Variants in AKR1D1 observed in about 807,000 individuals in gnomAD.
AKR1D1 encodes the protein aldo-keto reductase family 1 member D1.
A neutral mutation model predicts 42.6 loss-of-function variants in AKR1D1; 32 were observed. The ratio of observed to expected loss-of-function variants is 0.75; its 90% CI spans 0.57 to 1.01. AKR1D1 has a LOEUF of 1.01. AKR1D1 is among the 50% of genes least tolerant of loss of function. AKR1D1 has a pLI of 0.00. For synonymous variants in AKR1D1, 123 were observed against 135.5 expected, an observed-to-expected ratio of 0.91 and a Z score of 0.64; for missense variants, 364 against 402.2, an observed-to-expected ratio of 0.91 and a Z score of 0.81.
intron 3 of AKR1D1, among the ~76,000 whole-genome samples, chr7:138,095,130 A>T (rs1263298652): frequency 6.6e-6 from 1 of 152,216 alleles, no homozygotes; most frequent in Non-Finnish European, 1.5e-5. Flanking sequence ...AAACACCTAG[A>T]GGTATCTAAT....
chr7:138,096,859 T>C (rs1794194266), intron 3 of AKR1D1, among the ~76,000 whole-genome samples: 1 of 152,204 alleles, frequency 6.6e-6, no homozygotes, highest in African/African-American at 2.4e-5. Flanking sequence ...GGTGACTTAA[T>C]CCAATCATGT....
At chr7:138,110,100 T>C (rs188620050) in intron 7 of AKR1D1, among the ~76,000 whole-genome samples, 3 of 152,086 alleles carry the variant, frequency 2.0e-5, no homozygotes, top group East Asian at 1.9e-4. Flanking sequence ...CTTTAGGGAA[T>C]AGACTCACCC....
chr7:138,083,520 T>A (rs1233137755), intron 1 of AKR1D1, among the ~76,000 whole-genome samples: 3 of 152,216 alleles, frequency 2.0e-5, no homozygotes, highest in Non-Finnish European at 4.4e-5. Flanking sequence ...GCAAATATTT[T>A]CTTCTATTCC....
At chr7:138,083,769 G>A (rs1315009694) in intron 1 of AKR1D1, among the ~76,000 whole-genome samples, 2 of 152,088 alleles carry the variant, frequency 1.3e-5, no homozygotes, top group Non-Finnish European at 1.5e-5. Flanking sequence ...TGTGTATGGT[G>A]TAAGATACAG....
intron 3 of AKR1D1, among the ~76,000 whole-genome samples, chr7:138,096,621 C>T (rs988944271): frequency 2.0e-5 from 3 of 152,194 alleles, no homozygotes; most frequent in Admixed American, 6.5e-5. Context: ...TCAACAAAGA[C>T]TTTCATCCTG....
intron 4 of AKR1D1, among the ~76,000 whole-genome samples, chr7:138,101,065 A>G (rs1794298831): frequency 6.6e-6 from 1 of 152,026 alleles, no homozygotes; most frequent in Non-Finnish European, 1.5e-5. Context: ...AGAAAGAGCT[A>G]TAGGATATAG....
At position 138,113,788 on chromosome 7, in the gene AKR1D1, C is replaced by T. The variant is rs372957383; in HGVS notation, c.938+16C>T. The T allele has an allele frequency of 5.9e-5, 95 of 1,608,580 alleles. No homozygotes were observed. The African/African-American group carries it at 1.1e-3, about 19-fold the overall frequency. The stretch of plus-strand genomic sequence containing the variant: ...AATTGCTCATGTAAGTTCCGGGGAT[C>T]ATTAATGGGTATTGACCAGTGGTAT... On this transcript the variant is annotated intron_variant, in intron 8 of 8. Transcript: ENST00000242375.
intron 1 of AKR1D1, 125 bp from the exon 2 acceptor site, chr7:138,088,476 A>G (rs1793982801): frequency 8.5e-6 from 10 of 1,177,460 alleles, no homozygotes; most frequent in South Asian, 5.1e-5. Flanking sequence ...CAATCACAAC[A>G]GCAAGGAATT....
At chr7:138,092,708 G>A (rs889819278) in intron 3 of AKR1D1, among the ~76,000 whole-genome samples, 1 of 152,168 alleles carries the variant, frequency 6.6e-6, no homozygotes, top group African/African-American at 2.4e-5. Context: ...GTAGACGATG[G>A]TAACACAATG....
chr7:138,083,252 T>C (rs2117416860), intron 1 of AKR1D1, among the ~76,000 whole-genome samples: 1 of 152,296 alleles, frequency 6.6e-6, no homozygotes, highest in African/African-American at 2.4e-5. Context: ...GGGTGTGAGG[T>C]GTTATTTCAT....
intron 2 of AKR1D1, chr7:138,091,121 A>G (rs6977075): frequency 0.78 from 121,368 of 156,196 alleles, 47,659 homozygotes; most frequent in African/African-American, 0.89. Context: ...AGCACTAAGC[A>G]TCAGGAAATT....
At chr7:138,093,434 T>A (rs1181631933) in intron 3 of AKR1D1, among the ~76,000 whole-genome samples, 1 of 152,198 alleles carries the variant, frequency 6.6e-6, no homozygotes, top group Non-Finnish European at 1.5e-5. Context: ...TAAGCTCTTG[T>A]CTATTAAATT....
Position 138,117,000 on chromosome 7 carries a change from G to T in AKR1D1, c.*338G>T. On this transcript the variant is annotated 3_prime_UTR_variant, in exon 9 of 9. Transcript: ENST00000242375. The stretch of plus-strand genomic sequence containing the variant: ...ATTTATGAATCTGGGTAGTAGCGTT[G>T]GTAATCTGAGTTCTTTAAGGGTTAA... 3.9e-6 allele frequency: 1 copy of T among 257,908 alleles called. No homozygotes were observed. Among genetic ancestry groups the T allele is most frequent in the Non-Finnish European group, 7.5e-6 (1 of 134,142 alleles). 16.0% of individuals were successfully genotyped at this position (257,908 alleles called of 1,614,324 possible).
At chr7:138,103,716 G>T (rs1461018823) in intron 4 of AKR1D1, among the ~76,000 whole-genome samples, 1 of 151,952 alleles carries the variant, frequency 6.6e-6, no homozygotes, top group Non-Finnish European at 1.5e-5. Context: ...AAAATTAAAA[G>T]CATTATTAGG....
At chr7:138,097,776 A>G (rs948327151) in intron 3 of AKR1D1, 90 bp from the exon 4 acceptor site, 7 of 1,078,258 alleles carry the variant, frequency 6.5e-6, no homozygotes, top group African/African-American at 3.2e-5. Flanking sequence ...ATTGCTCACA[A>G]TTATGAAGAC....
In AKR1D1 at chr7:138,113,706, T is replaced by C. The variant is rs764125206; in HGVS notation, c.872T>C (p.Leu291Pro). Residue 291 changes from leucine (L) to proline (P), a missense_variant, in exon 8 of 9, where the codon CTC becomes CCC. By Grantham distance (98) the Leu-to-Pro change is moderately conservative (BLOSUM62 -3). Transcript: ENST00000242375. The part of the protein sequence containing the change: ...KENFQIFDFS[L>P]TEEEMKDIEA... The stretch of plus-strand genomic sequence containing the variant: ...TTATTTCAGATCTTTGACTTTTCTC[T>C]CACTGAAGAAGAAATGAAGGACATT... The C allele has an allele frequency of 1.9e-6, 3 of 1,614,102 alleles. No individual in the cohort carries two copies. The Admixed American group carries it at 5.0e-5, about 27-fold the overall frequency.
At chr7:138,076,783 C>T (rs886214809) in intron 1 of AKR1D1, among the ~76,000 whole-genome samples, 172 bp downstream of exon 1, 3 of 152,048 alleles carry the variant, frequency 2.0e-5, no homozygotes, top group Admixed American at 1.3e-4. Context: ...AGGTATTGAG[C>T]CAAAGGTTAA....
intron 8 of AKR1D1, among the ~76,000 whole-genome samples, chr7:138,116,355 C>T (rs1201810770): frequency 6.6e-6 from 1 of 152,066 alleles, no homozygotes; most frequent in East Asian, 1.9e-4. Context: ...ACATGATTCA[C>T]CACTGGGGAT....
At chr7:138,091,436 C>T in intron 2 of AKR1D1, 1 of 339,450 alleles carries the variant, frequency 2.9e-6, no homozygotes, top group South Asian at 2.4e-5. Flanking sequence ...AACAAGCTCT[C>T]AAGCTAGGCT....
Sources: gnomAD v4.1 joint callset for allele counts (sites outside exome capture counted in the v4.1 genomes callset) on GRCh38, gnomAD v4.1.1 for gene constraint, MANE v1.5 for transcripts, NCBI Gene and HGNC (gene_info 2026-07-23, HGNC 2026-07-21) for gene names.